Variants in TMEM106B observed in about 807,000 individuals in gnomAD.
TMEM106B encodes the protein transmembrane protein 106B.
TMEM106B carries 15 observed loss-of-function variants against 31.1 expected under a neutral mutation model. The observed-to-expected ratio is 0.48, with a 90% CI of 0.32 to 0.74. The LOEUF (loss-of-function observed/expected upper bound fraction) is 0.74. Ranked by LOEUF, TMEM106B falls within the 30% of genes least tolerant of loss-of-function variation. The pLI is 0.03. For synonymous variants in TMEM106B, 126 were observed against 112.5 expected (o/e 1.12, Z -0.76); for missense variants, 283 against 327.3 (o/e 0.86, Z 1.04).
intron 3 of TMEM106B, among the ~76,000 whole-genome samples, chr7:12,219,400 C>G (rs900444436): frequency 2.0e-5 from 3 of 152,150 alleles, no homozygotes; most frequent in Non-Finnish European, 4.4e-5. Context: ...CAAATGAAAC[C>G]TTTTCTTGAA....
intron 3 of TMEM106B, among the ~76,000 whole-genome samples, chr7:12,223,848 G>C (rs1323338918): frequency 6.6e-6 from 1 of 151,562 alleles, no homozygotes; most frequent in East Asian, 1.9e-4. Context: ...AGCCTCCTGA[G>C]TAGCTGGGAT....
At position 12,230,452 on chromosome 7, in the gene TMEM106B, T is replaced by C; in HGVS notation, c.632+14T>C. The C allele has an allele frequency of 6.7e-7, 1 of 1,496,482 alleles. No individual in the cohort carries two copies. 92.7% of individuals were successfully genotyped at this position (1,496,482 alleles called of 1,614,324 possible). ...GAGTTATATGTAGTAAGTTCTGATT[T>C]ATAATAACTTTTTATTGTCAAATAA... is the stretch of plus-strand genomic sequence containing the variant. On this transcript the variant is annotated intron_variant, in intron 6 of 7. Coordinates refer to ENST00000396668, the MANE Select transcript of TMEM106B (RefSeq NM_001134232.2).
In TMEM106B at chr7:12,213,120, A is replaced by G. The variant is rs1583449023; in HGVS notation, c.-2-1689A>G. 3.3e-5 allele frequency among the ~76,000 whole-genome samples: 5 copies of G among 152,262 alleles called. 1 individual carries two copies. The stretch of plus-strand genomic sequence containing the variant: ...CTGCAGAAGTTATTTTTGTGTAGGC[A>G]CTAGTACTAATTATTTATTTCTACT... On this transcript the variant is annotated intron_variant, in intron 1 of 7. Coordinates refer to ENST00000396668, the MANE Select transcript of TMEM106B (RefSeq NM_001134232.2).
intron 4 of TMEM106B, among the ~76,000 whole-genome samples, chr7:12,227,341 A>G (rs1781920542): frequency 6.6e-6 from 1 of 152,066 alleles, no homozygotes; most frequent in African/African-American, 2.4e-5. Context: ...ATTATAAGAC[A>G]TTTGAGAACT....
chr7:12,212,606 A>AT (rs1259509177), intron 1 of TMEM106B, among the ~76,000 whole-genome samples: 6 of 151,998 alleles, frequency 3.9e-5, no homozygotes, highest in Admixed American at 3.9e-4. Context: ...TGGCATGCGA[A>AT]TTTTATTTAT....
Position 12,238,296 on chromosome 7 carries a change from G to C in TMEM106B, c.*6321G>C, listed in dbSNP as rs956958051. ...TCATCTGTTCAAGTTTTGGCATCAA[G>C]TTGTAGCAATTCAGTCACATCTACA... On this transcript the variant is annotated 3_prime_UTR_variant, in exon 8 of 8. Coordinates refer to ENST00000396668, the MANE Select transcript of TMEM106B (RefSeq NM_001134232.2). The C allele has an allele frequency of 3.3e-5, 5 of 153,604 alleles. No homozygotes were observed. Among genetic ancestry groups the C allele is most frequent in the African/African-American group, 1.2e-4 (5 of 41,468 alleles). The allele number at this position is 153,604 out of a possible 1,614,324, so 9.5% of individuals were successfully genotyped here. A position where few individuals can be genotyped will look rare whatever the true frequency, so the allele number is the denominator to read the frequency against.
rs768042858 is a variant in TMEM106B at position 12,224,296 on chromosome 7, C to T, written c.352C>T (p.Pro118Ser). Residue 118 changes from proline (P) to serine (S), a missense_variant, in exon 4 of 8, where the codon CCT becomes TCT. By Grantham distance (74) the Pro-to-Ser change is moderately conservative (BLOSUM62 -1). Around this residue, in one of 3 missense-constraint regions of TMEM106B, gnomAD observed 201 missense variants for 211.5 expected, o/e 0.95. Coordinates refer to ENST00000396668, the MANE Select transcript of TMEM106B (RefSeq NM_001134232.2). The stretch of plus-strand genomic sequence containing the variant: ...TGGATTGGCTGTGTTTTTCCTTTTC[C>T]CTCGCTCTATCGACGTGAAATACAT... ...LSGLAVFFLF[P>S]RSIDVKYIGV... is the part of the protein sequence containing the mutation. 1.9e-6 allele frequency: 3 copies of T among 1,613,848 alleles called. No homozygotes were observed. The highest frequency in any genetic ancestry group is 2.5e-6 in the Non-Finnish European group (3 of 1,179,910).
At chr7:12,215,849 TATATC>T in intron 2 of TMEM106B, 1 of 171,568 alleles carries the variant, frequency 5.8e-6, no homozygotes. Context: ...TTGTTTGTGA[TATATC>T]ATAGGGGACG....
Position 12,230,407 on chromosome 7 carries a change from A to G in TMEM106B, c.601A>G (p.Thr201Ala). 1 of 1,603,856 alleles carries G rather than the reference A, an allele frequency of 6.2e-7. No homozygotes were observed. Among genetic ancestry groups the G allele is most frequent in the Admixed American group, 1.7e-5 (1 of 59,098 alleles). The stretch of plus-strand genomic sequence containing the variant: ...CTTTCAGATTGATTACACAGTACCT[A>G]CCGTTATAGCAGAGGAAATGAGTTA... ...DMKQIDYTVP[T>A]VIAEEMSYMY... is the part of the protein sequence containing the mutation. Residue 201 changes from threonine to alanine, a missense_variant, in exon 6 of 8, where the codon ACC becomes GCC. By Grantham distance (58) the Thr-to-Ala change is moderately conservative (BLOSUM62 0). Around this residue, in one of 3 missense-constraint regions of TMEM106B, gnomAD observed 201 missense variants for 211.5 expected, o/e 0.95. Coordinates refer to ENST00000396668, the MANE Select transcript of TMEM106B (RefSeq NM_001134232.2).
At chr7:12,229,877 C>A in intron 5 of TMEM106B, 58 bp downstream of exon 5, 1 of 1,515,446 alleles carries the variant, frequency 6.6e-7, no homozygotes. Context: ...CTTTGTATAT[C>A]ATATAACTTG....
At chr7:12,222,025 G>T (rs1781799265) in intron 3 of TMEM106B, among the ~76,000 whole-genome samples, 1 of 152,146 alleles carries the variant, frequency 6.6e-6, no homozygotes, top group Non-Finnish European at 1.5e-5. Flanking sequence ...TTTACAAATT[G>T]AGTGATTTGT....
chr7:12,217,728 G>A (rs1045102800), intron 2 of TMEM106B, among the ~76,000 whole-genome samples: 3 of 152,136 alleles, frequency 2.0e-5, no homozygotes, highest in Non-Finnish European at 2.9e-5. Context: ...GAGTATAGAT[G>A]TGTCGGGGGA....
intron 3 of TMEM106B, among the ~76,000 whole-genome samples, chr7:12,220,391 C>T (rs115426722): frequency 6.6e-6 from 1 of 152,188 alleles, no homozygotes; most frequent in African/African-American, 2.4e-5. Context: ...ATATCACAGA[C>T]AGAGGGCCAA....
Position 12,232,150 on chromosome 7 carries a change from A to T in TMEM106B, c.*175A>T. On this transcript the variant is annotated 3_prime_UTR_variant, in exon 8 of 8. Transcript: ENST00000396668. ...TTCTTGTAACTCTCCACTCTGTGTT[A>T]ATGATATATTTGTACTAGGATCTTT... 6.1e-6 allele frequency: 3 copies of T among 489,192 alleles called. No homozygotes were observed. Among genetic ancestry groups the T allele is most frequent in the Non-Finnish European group, 7.1e-6 (2 of 281,882 alleles). 30.3% of individuals were successfully genotyped at this position (489,192 alleles called of 1,614,324 possible).
chr7:12,218,368 T>C, intron 2 of TMEM106B, 90 bp from the exon 3 acceptor site: 2 of 1,018,914 alleles, frequency 2.0e-6, no homozygotes, highest in Non-Finnish European at 3.0e-6. Context: ...CCAGATGATA[T>C]TCTGGTCTTT....
chr7:12,215,101 T>TGAGACCCA, intron 2 of TMEM106B, 74 bp downstream of exon 2: 1 of 1,294,236 alleles, frequency 7.7e-7, no homozygotes, highest in Non-Finnish European at 1.1e-6. Context: ...ACTGTGGGTC[T>TGAGACCCA]CAGGAACCAC....
At chr7:12,215,961 A>G (rs1415389897) in intron 2 of TMEM106B, among the ~76,000 whole-genome samples, 1 of 152,152 alleles carries the variant, frequency 6.6e-6, no homozygotes, top group Non-Finnish European at 1.5e-5. Flanking sequence ...TGTTCTCATT[A>G]TCTTCTTGGT....
intron 3 of TMEM106B, among the ~76,000 whole-genome samples, chr7:12,219,769 A>T (rs1781752487): frequency 6.6e-6 from 1 of 152,192 alleles, no homozygotes; most frequent in African/African-American, 2.4e-5. Context: ...CATAAACGGG[A>T]GGAATGAAAA....
At chr7:12,213,424 A>T (rs6460899) in intron 1 of TMEM106B, among the ~76,000 whole-genome samples, 1 of 152,010 alleles carries the variant, frequency 6.6e-6, no homozygotes, top group South Asian at 2.1e-4. Flanking sequence ...GTGAATTTTC[A>T]GAGGCTGAAA....
Sources: allele counts gnomAD v4.1 joint callset (sites outside exome capture counted in the v4.1 genomes callset), GRCh38; gene constraint gnomAD v4.1.1; regional missense constraint gnomAD v4.1.1; transcripts MANE v1.5; gene names NCBI Gene and HGNC (gene_info 2026-07-23, HGNC 2026-07-21).